Variants in PACS1 observed in about 807,000 individuals in gnomAD.
The protein encoded by PACS1 is PACS-1.
PACS1 carries 24 observed loss-of-function variants against 115.0 expected under a neutral mutation model. The ratio of observed to expected loss-of-function variants is 0.21; its 90% CI spans 0.15 to 0.29. PACS1 has a LOEUF of 0.29. PACS1 is among the 10% of genes least tolerant of loss of function. PACS1 has a pLI of 1.00. For synonymous variants in PACS1, 453 were observed against 504.5 expected, an observed-to-expected ratio of 0.90 and a Z score of 1.37; for missense variants, 838 against 1,251.2, an observed-to-expected ratio of 0.67 and a Z score of 4.98.
chr11:66,183,699 G>A (rs1267694273), intron 1 of PACS1, among the ~76,000 whole-genome samples: 1 of 152,218 alleles, frequency 6.6e-6, no homozygotes, highest in Non-Finnish European at 1.5e-5. Context: ...CAGCTTTATT[G>A]AGGTGGCAGT....
At chr11:66,142,291 G>A (rs904679117) in intron 1 of PACS1, among the ~76,000 whole-genome samples, 18 of 152,134 alleles carry the variant, frequency 1.2e-4, no homozygotes, top group African/African-American at 4.1e-4. Flanking sequence ...TGTGTTCATC[G>A]CTTAAGAATC....
intron 11 of PACS1, among the ~76,000 whole-genome samples, chr11:66,228,621 GT>G (rs1474577628): frequency 6.6e-6 from 1 of 152,132 alleles, no homozygotes; most frequent in African/African-American, 2.4e-5. Flanking sequence ...GCAATTTAAT[GT>G]TGAGTGAGTA....
At chr11:66,145,167 A>G (rs937913352) in intron 1 of PACS1, among the ~76,000 whole-genome samples, 4 of 152,236 alleles carry the variant, frequency 2.6e-5, no homozygotes, top group Non-Finnish European at 5.9e-5. Context: ...TAAATGCAAG[A>G]AAGAAATGGA....
At chr11:66,175,720 C>T (rs1409070196) in intron 1 of PACS1, among the ~76,000 whole-genome samples, 2 of 152,144 alleles carry the variant, frequency 1.3e-5, no homozygotes, top group Non-Finnish European at 2.9e-5. Context: ...TCACCTTCTC[C>T]AGGACCAAGT....
chr11:66,079,268 G>T (rs1457397837), intron 1 of PACS1, among the ~76,000 whole-genome samples: 4 of 117,468 alleles, frequency 3.4e-5, no homozygotes, highest in Non-Finnish European at 5.3e-5. Flanking sequence ...GTTTTCTTTT[G>T]TTCCTCTTGG....
At chr11:66,179,891 G>T (rs936950230) in intron 1 of PACS1, among the ~76,000 whole-genome samples, 3 of 151,942 alleles carry the variant, frequency 2.0e-5, no homozygotes, top group African/African-American at 7.3e-5. Flanking sequence ...TCCCTCTTTT[G>T]CCCAGGCTGG....
chr11:66,230,667 C>T lies in PACS1; in HGVS notation c.1490+4C>T. ...TCCAGGGCTCTGCCTCCCCCAGGTA[C>T]TGCAGATGGAAAGGAAGCAGGGGGT... On this transcript the variant is annotated splice_donor_region_variant and intron_variant, in intron 12 of 23. Coordinates refer to ENST00000320580, the MANE Select transcript of PACS1 (RefSeq NM_018026.4). 6.2e-7 allele frequency: 1 copy of T among 1,611,478 alleles called. No homozygotes were observed. Among genetic ancestry groups the T allele is most frequent in the Non-Finnish European group, 8.5e-7 (1 of 1,177,496 alleles).
In PACS1 at chr11:66,241,448, G is replaced by A; in HGVS notation, c.2451G>A (p.Gly817=). The A allele has an allele frequency of 6.2e-7, 1 of 1,603,050 alleles. No individual in the cohort carries two copies. Among genetic ancestry groups the A allele is most frequent in the South Asian group, 1.1e-5 (1 of 89,350 alleles). ...AIVGSPNSPY[G]DVIGLQVDYW... The stretch of plus-strand genomic sequence containing the variant: ...TCAGGAGCCCTAATAGCCCATATGG[G>A]GACGTGATTGGCCTCCAGGTGGACT... The change falls in exon 22 of 24, where the codon GGG becomes GGA. Residue 817 remains glycine, a synonymous_variant. Transcript: ENST00000320580.
intron 1 of PACS1, among the ~76,000 whole-genome samples, chr11:66,083,682 C>A (rs1857522996): frequency 6.6e-6 from 1 of 152,100 alleles, no homozygotes; most frequent in Admixed American, 6.5e-5. Flanking sequence ...ATATTTAAAT[C>A]CACTTAAGAG....
intron 2 of PACS1, among the ~76,000 whole-genome samples, chr11:66,202,169 T>C (rs1854816347): frequency 6.6e-6 from 1 of 152,030 alleles, no homozygotes; most frequent in Non-Finnish European, 1.5e-5. Context: ...GATACAACCT[T>C]CCAAGATTGA....
intron 1 of PACS1, among the ~76,000 whole-genome samples, chr11:66,123,652 G>T (rs1302979068): frequency 2.0e-5 from 3 of 152,000 alleles, no homozygotes; most frequent in African/African-American, 4.8e-5. Context: ...CTCCCAAGTA[G>T]CTGGGACTAT....
chr11:66,190,723 G>A (rs1854499881), intron 1 of PACS1, among the ~76,000 whole-genome samples: 1 of 152,180 alleles, frequency 6.6e-6, no homozygotes, highest in African/African-American at 2.4e-5. Flanking sequence ...TTTGATATCA[G>A]TAGAACCAGA....
chr11:66,183,539 G>C (rs1860051568), intron 1 of PACS1, among the ~76,000 whole-genome samples: 1 of 152,200 alleles, frequency 6.6e-6, no homozygotes, highest in Non-Finnish European at 1.5e-5. Context: ...AGTAATCCAG[G>C]TCACTTGTCT....
intron 2 of PACS1, among the ~76,000 whole-genome samples, chr11:66,203,030 A>G (rs930262273): frequency 2.6e-5 from 4 of 152,004 alleles, no homozygotes; most frequent in Non-Finnish European, 5.9e-5. Flanking sequence ...GGCAAGAGAA[A>G]GAAATAAAGG....
At chr11:66,109,174 G>A (rs1381278831) in intron 1 of PACS1, among the ~76,000 whole-genome samples, 1 of 152,136 alleles carries the variant, frequency 6.6e-6, no homozygotes, top group Non-Finnish European at 1.5e-5. Flanking sequence ...GGGATATCCC[G>A]TACCCTCCAC....
chr11:66,209,797 C>G (rs1160916670), intron 2 of PACS1, among the ~76,000 whole-genome samples: 1 of 151,918 alleles, frequency 6.6e-6, no homozygotes, highest in Non-Finnish European at 1.5e-5. Flanking sequence ...CCCAGCTACT[C>G]AGGAGGCTGA....
intron 1 of PACS1, chr11:66,120,954 C>T (rs971648893): frequency 2.2e-6 from 1 of 453,294 alleles, no homozygotes; most frequent in East Asian, 7.0e-5. Flanking sequence ...ACGCCTCTCT[C>T]TGCTTCCCAC....
At chr11:66,073,729 C>G (rs566670385) in intron 1 of PACS1, among the ~76,000 whole-genome samples, 4 of 151,966 alleles carry the variant, frequency 2.6e-5, no homozygotes, top group Admixed American at 2.0e-4. Flanking sequence ...TGAAATTGTT[C>G]TGTTGATCAC....
At chr11:66,159,323 G>A (rs1260394765) in intron 1 of PACS1, among the ~76,000 whole-genome samples, 1 of 152,094 alleles carries the variant, frequency 6.6e-6, no homozygotes, top group African/African-American at 2.4e-5. Context: ...TGTAATCCCA[G>A]ATACTCAGGA....
Sources: allele counts gnomAD v4.1 joint callset (sites outside exome capture counted in the v4.1 genomes callset), GRCh38; gene constraint gnomAD v4.1.1; transcripts MANE v1.5; gene names NCBI Gene and HGNC (gene_info 2026-07-23, HGNC 2026-07-21).